DPY19L1: variants seen among roughly 807,000 people sequenced by gnomAD.
The protein encoded by DPY19L1 is protein C-mannosyl-transferase DPY19L1.
A neutral mutation model predicts 96.9 loss-of-function variants in DPY19L1; 35 were observed. The ratio of observed to expected loss-of-function variants is 0.36; its 90% CI spans 0.28 to 0.48. The LOEUF is 0.48. DPY19L1 is among the 20% of genes least tolerant of loss of function. The pLI, the probability that DPY19L1 is intolerant of heterozygous loss-of-function variation, is 0.99. For missense variants in DPY19L1, 521 were observed against 777.9 expected (o/e 0.67, Z 3.93); for synonymous variants, 205 against 252.6 (o/e 0.81, Z 1.79).
intron 10 of DPY19L1, among the ~76,000 whole-genome samples, chr7:34,958,892 G>A (rs1187172290): frequency 6.6e-6 from 1 of 152,088 alleles, no homozygotes; most frequent in East Asian, 1.9e-4. Context: ...TTGTGTGTAT[G>A]TGTGAACTGC....
intron 14 of DPY19L1, among the ~76,000 whole-genome samples, chr7:34,949,335 C>T (rs911743985): frequency 3.9e-5 from 6 of 152,170 alleles, no homozygotes; most frequent in Non-Finnish European, 8.8e-5. Context: ...TTACAGGCTT[C>T]TGTCTCACAA....
intron 6 of DPY19L1, among the ~76,000 whole-genome samples, chr7:34,991,074 A>G (rs554307237): frequency 2.4e-4 from 36 of 152,346 alleles, no homozygotes; most frequent in African/African-American, 8.2e-4. Context: ...AAGAGGAGGA[A>G]GACTGCATAT....
At position 34,942,632 on chromosome 7, in the gene DPY19L1, G is replaced by C. The variant is rs1246307401; in HGVS notation, c.1552C>G (p.Gln518Glu). Residue 518 changes from glutamine (Q) to glutamate (E), a missense_variant, in exon 17 of 22, where the codon CAG (glutamine) becomes GAG (glutamate). Transcript: ENST00000638088. ...AKQQTHVRKH[Q>E]FDHGELVYHA... ...GTCTTTACCTCTCCATGATCAAACTGGTGTTTTCTGGAACAGAAAAAAATA... is the reference window on the plus strand; with the variant it reads ...GTCTTTACCTCTCCATGATCAAACTCGTGTTTTCTGGAACAGAAAAAAATA... 1.9e-6 allele frequency: 3 copies of C among 1,589,384 alleles called. No homozygotes were observed. In the African/African-American group the frequency reaches 4.1e-5, roughly 22 times the overall value.
chr7:35,014,226 G>A (rs2392303), intron 3 of DPY19L1, among the ~76,000 whole-genome samples: 32,531 of 151,928 alleles, frequency 0.21, 3,845 homozygotes, highest in Admixed American at 0.37. Context: ...AATTTCACTC[G>A]GGTGCCACCT....
At chr7:35,013,470 AT>A (rs1785764716) in intron 4 of DPY19L1, 97 bp downstream of exon 4, 1 of 914,264 alleles carries the variant, frequency 1.1e-6, no homozygotes, top group Non-Finnish European at 1.6e-6. Context: ...ATTAAATACA[AT>A]TTAATATATT....
Position 34,940,149 on chromosome 7 carries a change from T to TC in DPY19L1, c.1864+3_1864+4insG. 6.8e-7 allele frequency: 1 copy of TC among 1,469,912 alleles called. No homozygotes were observed. The highest frequency in any genetic ancestry group is 9.0e-7 in the Non-Finnish European group (1 of 1,115,990). The allele number at this position is 1,469,912 out of a possible 1,614,324, so 91.1% of individuals were successfully genotyped here. A position where few individuals can be genotyped will look rare whatever the true frequency, so the allele number is the denominator to read the frequency against. ...GACTTTTTTTTTCTTTTTTTTTTTTTTACCTGGTTTAGTACTATATTTGAT... is the reference window on the plus strand; with the variant it reads ...GACTTTTTTTTTCTTTTTTTTTTTTTCTACCTGGTTTAGTACTATATTTGAT... On this transcript the variant is annotated splice_donor_region_variant and intron_variant, in intron 19 of 21. Coordinates refer to ENST00000638088, the MANE Select transcript of DPY19L1 (RefSeq NM_001366673.1).
chr7:34,929,943 G>GCA lies in DPY19L1; in HGVS notation c.*1628_*1629dup, dbSNP rs763696061. 6.6e-6 allele frequency: 1 copy of GCA among 152,256 alleles called. No individual in the cohort carries two copies. Among genetic ancestry groups the GCA allele is most frequent in the Non-Finnish European group, 1.5e-5 (1 of 68,078 alleles). The allele number at this position is 152,256 out of a possible 1,614,324, so 9.4% of individuals were successfully genotyped here. A position where few individuals can be genotyped will look rare whatever the true frequency, so the allele number is the denominator to read the frequency against. ...CTGGGAGCTGCGGCTCTAGGCGCTG[G>GCA]CACAAGACTGGGGGGCGGTGCTTCT... On this transcript the variant is annotated 3_prime_UTR_variant, in exon 22 of 22. Transcript: ENST00000638088.
intron 1 of DPY19L1, among the ~76,000 whole-genome samples, chr7:35,036,888 G>A (rs896407270): frequency 6.6e-5 from 10 of 151,832 alleles, no homozygotes; most frequent in Non-Finnish European, 4.4e-5. Context: ...AGCGTGCGAG[G>A]AGAGCTGAGC....
chr7:34,941,218 G>A (rs1466058382), intron 18 of DPY19L1, among the ~76,000 whole-genome samples: 1 of 152,110 alleles, frequency 6.6e-6, no homozygotes, highest in African/African-American at 2.4e-5. Context: ...CTGGTTGACT[G>A]ATGGAAAGGT....
At chr7:34,968,321 C>T (rs186341641) in intron 9 of DPY19L1, among the ~76,000 whole-genome samples, 1 of 152,244 alleles carries the variant, frequency 6.6e-6, no homozygotes, top group East Asian at 1.9e-4. Flanking sequence ...CTATCCACAA[C>T]CCAATAAAGT....
intron 7 of DPY19L1, chr7:34,988,194 A>G (rs1785090151): frequency 6.6e-6 from 1 of 152,168 alleles, no homozygotes; most frequent in East Asian, 1.9e-4. Flanking sequence ...CACTGAGGGT[A>G]GCACGATAGA....
At chr7:34,992,790 T>C (rs1180657238) in intron 6 of DPY19L1, among the ~76,000 whole-genome samples, 1 of 152,004 alleles carries the variant, frequency 6.6e-6, no homozygotes, top group Non-Finnish European at 1.5e-5. Context: ...CCATCATTAT[T>C]ATACTCTCTG....
Position 34,941,807 on chromosome 7 carries a change from T to C in DPY19L1, c.1647A>G (p.Thr549=). 6.3e-7 allele frequency: 1 copy of C among 1,594,554 alleles called. No homozygotes were observed. ...ILIMRLKLFL[T]PHMCVMASLI... is the part of the protein sequence containing the mutation. ...GTGATGCCATAACACACATGTGTGGTGTCAAGAAGAGTTTTAGTCTCATAA... is the reference window on the plus strand; with the variant it reads ...GTGATGCCATAACACACATGTGTGGCGTCAAGAAGAGTTTTAGTCTCATAA... Residue 549 remains threonine, a synonymous_variant, in exon 18 of 22, where the codon ACA becomes ACG. Coordinates refer to ENST00000638088, the MANE Select transcript of DPY19L1 (RefSeq NM_001366673.1).
rs772195782 is a variant in DPY19L1, at chr7:35,010,613, T to C, written c.671-52A>G. ...CTAATCACATTAACCCAAATTACCT[T>C]ACGTGTCTAGCAATTTATATTAAAT... On this transcript the variant is annotated intron_variant, in intron 5 of 21. Coordinates refer to ENST00000638088, the MANE Select transcript of DPY19L1 (RefSeq NM_001366673.1). 15 of 1,118,754 alleles carry C rather than the reference T, an allele frequency of 1.3e-5. No individual in the cohort carries two copies. In the Admixed American group the frequency reaches 2.3e-4, roughly 17 times the overall value. The allele number at this position is 1,118,754 out of a possible 1,614,324, so 69.3% of individuals were successfully genotyped here. A position where few individuals can be genotyped will look rare whatever the true frequency, so the allele number is the denominator to read the frequency against.
chr7:34,963,305 T>C (rs560570681), intron 10 of DPY19L1, among the ~76,000 whole-genome samples: 1 of 152,170 alleles, frequency 6.6e-6, no homozygotes, highest in Admixed American at 6.5e-5. Context: ...TTATACCTAT[T>C]AGGATGGCTA....
chr7:34,978,249 A>C (rs1489040324), intron 7 of DPY19L1, among the ~76,000 whole-genome samples: 1 of 152,152 alleles, frequency 6.6e-6, no homozygotes, highest in Non-Finnish European at 1.5e-5. Context: ...TTTTTACTAG[A>C]GTTGCCATTT....
intron 1 of DPY19L1, among the ~76,000 whole-genome samples, chr7:35,032,533 C>A (rs1584266947): frequency 6.6e-6 from 1 of 152,132 alleles, no homozygotes; most frequent in African/African-American, 2.4e-5. Context: ...AATGGGAATA[C>A]AAATTCAATT....
At chr7:34,959,901 A>C (rs1784457463) in intron 10 of DPY19L1, among the ~76,000 whole-genome samples, 1 of 16,366 alleles carries the variant, frequency 6.1e-5, no homozygotes, top group Non-Finnish European at 1.0e-4. Flanking sequence ...GTATATAAAT[A>C]TATATATATA....
In DPY19L1 at chr7:34,984,415, A is replaced by G. The variant is rs1018442835; in HGVS notation, c.822+5469T>C. Among the ~76,000 whole-genome samples, 9 of 152,304 alleles carry G rather than the reference A, an allele frequency of 5.9e-5. No individual in the cohort carries two copies. In the East Asian group the frequency reaches 9.6e-4, roughly 16 times the overall value. ...AAGGAATAGTCCTTTCTGGAAACAG[A>G]AGAAAGAAGGGCCAATAGGGCTGAA... is the stretch of plus-strand genomic sequence containing the variant. On this transcript the variant is annotated intron_variant, in intron 7 of 21. Transcript: ENST00000638088.
Sources: allele counts gnomAD v4.1 joint callset (sites outside exome capture counted in the v4.1 genomes callset), GRCh38; gene constraint gnomAD v4.1.1; transcripts MANE v1.5; gene names NCBI Gene and HGNC (gene_info 2026-07-23, HGNC 2026-07-21).